TRIM5: variants seen among roughly 807,000 people sequenced by gnomAD.
TRIM5 encodes the protein tripartite motif-containing protein 5.
A neutral mutation model predicts 35.6 loss-of-function variants in TRIM5; 31 were observed. That is an observed-to-expected ratio of 0.87 (90% CI 0.65 to 1.18). TRIM5 has a LOEUF of 1.18. TRIM5 is among the 50% of genes most tolerant of loss of function. TRIM5 has a pLI of 0.00. For missense variants in TRIM5, 609 were observed against 591.6 expected, an observed-to-expected ratio of 1.03 and a Z score of -0.31; for synonymous variants, 243 against 215.6, an observed-to-expected ratio of 1.13 and a Z score of -1.11.
chr11:5,675,006 A>T (rs1031775606), intron 4 of TRIM5, among the ~76,000 whole-genome samples: 2 of 151,626 alleles, frequency 1.3e-5, no homozygotes, highest in Admixed American at 6.6e-5. Context: ...AATGTATTGT[A>T]TTCTTGAAAA....
chr11:5,657,705 TAA>T, the TRIM5 span, among the ~76,000 whole-genome samples: 4 of 131,696 alleles, frequency 3.0e-5, no homozygotes, highest in African/African-American at 8.8e-5. Flanking sequence ...ATAATATATA[TAA>T]ATATATATAT....
the TRIM5 span, among the ~76,000 whole-genome samples, chr11:5,617,035 C>CTT: frequency 3.9e-5 from 5 of 126,602 alleles, no homozygotes; most frequent in African/African-American, 1.2e-4. Context: ...CCACGCCCAG[C>CTT]TTTTTTTTTT....
chr11:5,597,479 A>T, the TRIM5 span, among the ~76,000 whole-genome samples: 1 of 152,350 alleles, frequency 6.6e-6, no homozygotes, highest in African/African-American at 2.4e-5. Flanking sequence ...TCAAATATTT[A>T]TTGAGTCCTG....
chr11:5,666,153 T>A, intron 5 of TRIM5, 72 bp from the exon 6 acceptor site: 1 of 1,317,330 alleles, frequency 7.6e-7, no homozygotes, highest in African/African-American at 1.5e-5. Flanking sequence ...CCTGACTTCC[T>A]ATCATTTCAA....
intron 4 of TRIM5, among the ~76,000 whole-genome samples, chr11:5,673,642 T>C (rs1485740885): frequency 6.6e-6 from 1 of 152,120 alleles, no homozygotes; most frequent in African/African-American, 2.4e-5. Flanking sequence ...CAAATGCATA[T>C]AAAACATTTT....
chr11:5,628,827 C>G, the TRIM5 span, among the ~76,000 whole-genome samples: 3 of 151,464 alleles, frequency 2.0e-5, no homozygotes, highest in East Asian at 1.9e-4. Flanking sequence ...TCAGAAGGCT[C>G]TATGTGAAAA....
chr11:5,661,125 A>G (rs1274081718), downstream of TRIM5, among the ~76,000 whole-genome samples: 2 of 145,248 alleles, frequency 1.4e-5, no homozygotes, highest in Non-Finnish European at 3.0e-5. Context: ...ATGAGATTTA[A>G]CTTATGTATC....
At chr11:5,682,872 G>T (rs1005554345) in intron 1 of TRIM5, among the ~76,000 whole-genome samples, 3 of 152,230 alleles carry the variant, frequency 2.0e-5, no homozygotes, top group African/African-American at 7.2e-5. Flanking sequence ...TCAGCCCACC[G>T]CTGCACTGTG....
chr11:5,616,766 T>G, the TRIM5 span, among the ~76,000 whole-genome samples: 1 of 136,860 alleles, frequency 7.3e-6, no homozygotes, highest in South Asian at 2.4e-4. Flanking sequence ...TGAGATGGAG[T>G]CTCCCTCCTG....
intron 4 of TRIM5, among the ~76,000 whole-genome samples, chr11:5,673,796 AAC>A (rs1851740334): frequency 1.3e-5 from 2 of 152,312 alleles, no homozygotes; most frequent in Admixed American, 1.3e-4. Flanking sequence ...TTTAAAATTA[AAC>A]ACTACTTTTC....
chr11:5,662,053 G>A (rs59324294), downstream of TRIM5, among the ~76,000 whole-genome samples: 1,021 of 152,304 alleles, frequency 6.7e-3, 5 homozygotes, highest in African/African-American at 0.023. Flanking sequence ...TTGGGTGACA[G>A]GAAAGCAGAG....
At chr11:5,642,100 G>A in the TRIM5 span, among the ~76,000 whole-genome samples, 2 of 152,050 alleles carry the variant, frequency 1.3e-5, no homozygotes, top group African/African-American at 4.8e-5. Context: ...TTTTCCTATC[G>A]TTTTATCCAA....
chr11:5,650,281 T>G, the TRIM5 span, among the ~76,000 whole-genome samples: 1 of 152,180 alleles, frequency 6.6e-6, no homozygotes, highest in African/African-American at 2.4e-5. Context: ...CCATTGGCCA[T>G]TGCCCGTGAT....
At chr11:5,643,298 A>G in the TRIM5 span, 2 of 1,614,084 alleles carry the variant, frequency 1.2e-6, no homozygotes, top group Non-Finnish European at 1.7e-6. Flanking sequence ...ATTACTGGGA[A>G]GTGGACGTGT....
the TRIM5 span, chr11:5,610,101 C>T: frequency 1.2e-5 from 19 of 1,608,506 alleles, no homozygotes; most frequent in East Asian, 4.0e-4. Context: ...GTGGAGGAAC[C>T]CACAGTCAGC....
chr11:5,630,662 A>T, the TRIM5 span, among the ~76,000 whole-genome samples: 948 of 152,298 alleles, frequency 6.2e-3, 13 homozygotes, highest in African/African-American at 0.022. Flanking sequence ...AGCTTTCATT[A>T]AACTCTTACT....
the TRIM5 span, among the ~76,000 whole-genome samples, chr11:5,604,263 C>T: frequency 6.6e-6 from 1 of 152,222 alleles, no homozygotes; most frequent in African/African-American, 2.4e-5. Context: ...ATCCACCCGC[C>T]TCAGCCTCCC....
At chr11:5,678,125 A>T (rs1852133942) in intron 4 of TRIM5, 79 bp downstream of exon 4, 2 of 1,258,026 alleles carry the variant, frequency 1.6e-6, no homozygotes, top group South Asian at 3.2e-5. Context: ...TAATATTAGA[A>T]AAAGCACAGC....
the TRIM5 span, among the ~76,000 whole-genome samples, chr11:5,619,354 C>A: frequency 6.6e-6 from 1 of 152,336 alleles, no homozygotes; most frequent in East Asian, 1.9e-4. Context: ...ATCTTCAGTT[C>A]TTTGTCTTAT....
Sources: allele counts gnomAD v4.1 joint callset (sites outside exome capture counted in the v4.1 genomes callset), GRCh38; gene constraint gnomAD v4.1.1; transcripts MANE v1.5; gene names NCBI Gene and HGNC (gene_info 2026-07-23, HGNC 2026-07-21).